The following C1QTNF12 variants were observed in gnomAD, a reference collection of about 807,000 sequenced individuals.
C1QTNF12 encodes C1q and TNF related 12.
C1QTNF12 carries 39 observed loss-of-function variants against 34.3 expected under a neutral mutation model. That is an observed-to-expected ratio of 1.14 (90% confidence interval 0.88 to 1.49). The LOEUF is 1.49. Ranked by LOEUF, C1QTNF12 falls within the 40% of genes most tolerant of loss-of-function variation. The probability of loss-of-function intolerance (pLI) is 0.00; values close to 1 mark genes in which losing one functional copy is unlikely to be tolerated. For synonymous variants in C1QTNF12, 220 were observed against 196.9 expected (o/e 1.12, Z -0.98); for missense variants, 497 against 424.7 (o/e 1.17, Z -1.50).
At chr1:1,243,840 G>GCCCCCCGC in intron 4 of C1QTNF12, 114 bp downstream of exon 4, 1 of 508,070 alleles carries the variant, frequency 2.0e-6, no homozygotes, top group Non-Finnish European at 3.3e-6. Context: ...TCCGAGCCCC[G>GCCCCCCGC]CCCCCAGCCC....
upstream of C1QTNF12, among the ~76,000 whole-genome samples, chr1:1,246,913 C>T (rs1038016614): frequency 2.6e-5 from 4 of 152,056 alleles, no homozygotes; most frequent in African/African-American, 4.8e-5. The surrounding 1 kb of genome is among the most constrained non-coding windows in gnomAD (Gnocchi z 4.5). Context: ...TCCTCTCTGG[C>T]CTCCTCACTC....
In C1QTNF12 at chr1:1,244,015, C is replaced by G. The variant is rs760270428; in HGVS notation, c.470G>C (p.Arg157Pro). 2 of 1,601,298 alleles carry G rather than the reference C, an allele frequency of 1.2e-6. No homozygotes were observed. The highest frequency in any genetic ancestry group is 1.7e-5 in the Admixed American group (1 of 58,352). ...LRLVGEAFHC[R>P]LQGPRRVDKR... ...GTCCACCCGGCGGGGACCCTGCAGC[C>G]GGCAGTGAAAGGCCTCGCCCACCAG... is the stretch of plus-strand genomic sequence containing the variant. Residue 157 changes from arginine (R) to proline (P), a missense_variant, in exon 4 of 8, where the codon CGG becomes CCG. Transcript: ENST00000330388.
At chr1:1,243,865 G>T in intron 4 of C1QTNF12, 89 bp downstream of exon 4, 10 of 1,359,098 alleles carry the variant, frequency 7.4e-6, no homozygotes, top group Non-Finnish European at 1.0e-5. Flanking sequence ...CCCACATGCT[G>T]CCCCATGAGT....
rs201061850 is a variant in C1QTNF12, at chr1:1,244,436, C to T, written c.239G>A (p.Arg80Gln). The T allele has an allele frequency of 3.6e-5, 58 of 1,611,808 alleles. No individual in the cohort carries two copies. Among genetic ancestry groups the T allele is most frequent in the Admixed American group, 1.3e-4 (8 of 59,952 alleles). The change falls in exon 2 of 8, where the codon CGG (arginine) becomes CAG (glutamine). Residue 80 changes from arginine to glutamine, a missense_variant. Physicochemically the swap from Arg to Gln is conservative, Grantham distance 43. Coordinates refer to ENST00000330388, the MANE Select transcript of C1QTNF12 (RefSeq NM_001014980.3). ...CCTTAAGGCGCCGTCGTCCGGCCGC[C>T]GGACAAAGTTCAGCCATGTCATGTG... is the stretch of plus-strand genomic sequence containing the variant. ...DAHMTWLNFV[R>Q]RPDDGALRKR...
chr1:1,245,743 G>C (rs1381762592), intron 1 of C1QTNF12, among the ~76,000 whole-genome samples: 1 of 152,234 alleles, frequency 6.6e-6, no homozygotes, highest in Non-Finnish European at 1.5e-5. Context: ...GGCTCCAGCG[G>C]GGCCGCGTGG....
chr1:1,243,853 A>G, intron 4 of C1QTNF12, 101 bp downstream of exon 4: 1 of 748,176 alleles, frequency 1.3e-6, no homozygotes, highest in Non-Finnish European at 2.0e-6. Flanking sequence ...CCCAGCCCCC[A>G]ACCCACATGC....
chr1:1,246,795 G>C (rs1349404760), upstream of C1QTNF12: 1 of 835,938 alleles, frequency 1.2e-6, no homozygotes, highest in African/African-American at 1.8e-5. This position sits in a 1 kb window ranked among gnomAD's most constrained non-coding sequence, Gnocchi z 4.5. Flanking sequence ...GCCCAGGGGC[G>C]CGCCCGGCCT....
chr1:1,246,951 T>G (rs2101012372), upstream of C1QTNF12, among the ~76,000 whole-genome samples: 1 of 150,316 alleles, frequency 6.7e-6, no homozygotes, highest in South Asian at 2.1e-4. The surrounding 1 kb of genome is among the most constrained non-coding windows in gnomAD (Gnocchi z 4.5). Flanking sequence ...TCCCCTCGCC[T>G]CCTCCTCCCC....
chr1:1,243,409 C>A, intron 5 of C1QTNF12, 35 bp downstream of exon 5: 1 of 1,530,406 alleles, frequency 6.5e-7, no homozygotes. Flanking sequence ...GCCCCAGCCC[C>A]GTCACAGCAC....
chr1:1,243,967 T>A lies in C1QTNF12; in HGVS notation c.518A>T (p.His173Leu). The change falls in exon 4 of 8, where the codon CAT becomes CTT. Residue 173 changes from histidine (H) to leucine (L), a missense_variant. Transcript: ENST00000330388. ...GGCTCCACTCACAGCCTGGAAACCATGCAGCTCCACCAGCGTCCGCTTGTC... is the reference window on the plus strand; with the variant it reads ...GGCTCCACTCACAGCCTGGAAACCAAGCAGCTCCACCAGCGTCCGCTTGTC... The part of the protein sequence containing the change: ...RVDKRTLVEL[H>L]GFQAPAAQGA... 1 of 1,609,384 alleles carries A rather than the reference T, an allele frequency of 6.2e-7. No homozygotes were observed. Among genetic ancestry groups the A allele is most frequent in the Non-Finnish European group, 8.5e-7 (1 of 1,178,558 alleles).
intron 1 of C1QTNF12, chr1:1,244,733 C>T (rs2101007230): frequency 1.2e-5 from 6 of 495,416 alleles, no homozygotes; most frequent in Non-Finnish European, 2.1e-5. Context: ...CCTCACTCCT[C>T]CCCCACTCCT....
chr1:1,242,686 C>T, intron 7 of C1QTNF12, 40 bp from the exon 8 acceptor site: 2 of 1,570,084 alleles, frequency 1.3e-6, no homozygotes, highest in Non-Finnish European at 1.7e-6. Flanking sequence ...CAGCCACAGC[C>T]CAGCCACTCG....
rs1025332228 is a variant in C1QTNF12 at position 1,246,413 on chromosome 1, G to C, written c.177+101C>G. On this transcript the variant is annotated intron_variant, in intron 1 of 7. Transcript: ENST00000330388. This position sits in a 1 kb window ranked among gnomAD's most constrained non-coding sequence, Gnocchi z 4.5. Reference sequence around the variant, plus strand: ...CCGAGGCCTCGAAAAGGGCGACCCGGAGGCAGAGCCGGCAGGGACAGAGCC... The same window carrying C: ...CCGAGGCCTCGAAAAGGGCGACCCGCAGGCAGAGCCGGCAGGGACAGAGCC... 53 of 1,052,326 alleles carry C rather than the reference G, an allele frequency of 5.0e-5. No individual in the cohort carries two copies. The highest frequency in any genetic ancestry group is 5.8e-5 in the Non-Finnish European group (48 of 825,796). The allele number at this position is 1,052,326 out of a possible 1,614,324, so 65.2% of individuals were successfully genotyped here.
intron 7 of C1QTNF12, 49 bp from the exon 8 acceptor site, chr1:1,242,695 CGGT>C (rs1461370106): frequency 6.4e-7 from 1 of 1,559,258 alleles, no homozygotes; most frequent in Non-Finnish European, 8.7e-7. Flanking sequence ...CCCAGCCACT[CGGT>C]GGCCAACGTC....
At chr1:1,242,736 C>A in intron 7 of C1QTNF12, 90 bp from the exon 8 acceptor site, 1 of 1,553,244 alleles carries the variant, frequency 6.4e-7, no homozygotes, top group South Asian at 1.1e-5. Flanking sequence ...CTAGGAGGTG[C>A]CGAGGCCCCA....
rs541629130 is a variant in C1QTNF12, at chr1:1,246,116, G to C, written c.177+398C>G. Among the ~76,000 whole-genome samples the C allele has an allele frequency of 6.6e-6, 1 of 152,304 alleles. No homozygotes were observed. The highest frequency in any genetic ancestry group is 1.9e-4 in the East Asian group (1 of 5,172). ...CAGCCGCAGGAGTCATGGGGCGCTG[G>C]ACTCCCAAGGGGTCTGGTGAACCAT... is the stretch of plus-strand genomic sequence containing the variant. On this transcript the variant is annotated intron_variant, in intron 1 of 7. Coordinates refer to ENST00000330388, the MANE Select transcript of C1QTNF12 (RefSeq NM_001014980.3). This position sits in a 1 kb window ranked among gnomAD's most constrained non-coding sequence, Gnocchi z 4.5.
upstream of C1QTNF12, among the ~76,000 whole-genome samples, chr1:1,247,216 A>C (rs117091002): frequency 2.0e-4 from 30 of 151,986 alleles, no homozygotes; most frequent in East Asian, 5.6e-3. Context: ...CCCTCACAGC[A>C]GCCTCTGCAG....
At position 1,246,618 on chromosome 1, in the gene C1QTNF12, C is replaced by A; in HGVS notation, c.73G>T (p.Ala25Ser). 1.6e-6 allele frequency: 2 copies of A among 1,243,928 alleles called. No individual in the cohort carries two copies. The highest frequency in any genetic ancestry group is 2.0e-6 in the Non-Finnish European group (2 of 994,386). The allele number at this position is 1,243,928 out of a possible 1,614,324, so 77.1% of individuals were successfully genotyped here. A position where few individuals can be genotyped will look rare whatever the true frequency, so the allele number is the denominator to read the frequency against. ...TGCGTCCTCTGTGCCTCCCGCCGGGCCCCGACGCCCCCGAGGAGCACGAGC... is the reference window on the plus strand; with the variant it reads ...TGCGTCCTCTGTGCCTCCCGCCGGGACCCGACGCCCCCGAGGAGCACGAGC... The part of the protein sequence containing the change: ...PQLVLLGGVG[A>S]RREAQRTQQP... Residue 25 changes from alanine (A) to serine (S), a missense_variant, in exon 1 of 8, where the codon GCC (alanine) becomes TCC (serine). Physicochemically the swap from Ala to Ser is moderately conservative, Grantham distance 99. Coordinates refer to ENST00000330388, the MANE Select transcript of C1QTNF12 (RefSeq NM_001014980.3). The surrounding 1 kb of genome is among the most constrained non-coding windows in gnomAD (Gnocchi z 4.5).
At chr1:1,243,277 C>A in intron 5 of C1QTNF12, 125 bp from the exon 6 acceptor site, 4 of 1,021,374 alleles carry the variant, frequency 3.9e-6, no homozygotes, top group Non-Finnish European at 4.3e-6. Flanking sequence ...GAGGGGGCGC[C>A]TGAGGCCAGG....
Sources: allele counts gnomAD v4.1 joint callset (sites outside exome capture counted in the v4.1 genomes callset), GRCh38; gene constraint gnomAD v4.1.1; non-coding constraint Gnocchi (gnomAD v3.1); transcripts MANE v1.5; gene names NCBI Gene and HGNC (gene_info 2026-07-23, HGNC 2026-07-21).